VAV2: variants seen among roughly 807,000 people sequenced by gnomAD.
VAV2 encodes the protein guanine nucleotide exchange factor VAV2.
A neutral mutation model predicts 132.5 loss-of-function variants in VAV2; 67 were observed. That is an observed-to-expected ratio of 0.51 (90% CI 0.42 to 0.62). The LOEUF (loss-of-function observed/expected upper bound fraction) is 0.62, where lower values mean the gene tolerates loss of function less well. Among genes scored for constraint, VAV2 ranks in the 20% least tolerant of loss-of-function variants. The probability of loss-of-function intolerance (pLI) is 0.00; values close to 1 mark genes in which losing one functional copy is unlikely to be tolerated. For missense variants in VAV2, 938 were observed against 1,153.6 expected, an observed-to-expected ratio of 0.81 and a Z score of 2.71; for synonymous variants, 492 against 443.5, an observed-to-expected ratio of 1.11 and a Z score of -1.37.
rs1836733376 is a variant in VAV2, at chr9:133,841,772, G to T, written c.381-7432C>A. On this transcript the variant is annotated intron_variant, in intron 3 of 29. Coordinates refer to ENST00000371850, the MANE Select transcript of VAV2 (RefSeq NM_001134398.2). The stretch of plus-strand genomic sequence containing the variant: ...TCTCTGAGCCTCAGTTTCCCCAACT[G>T]CAGAATGGGGGCCGGTAGTAGCAAT... Among the ~76,000 whole-genome samples, 2 of 152,218 alleles carry T rather than the reference G, an allele frequency of 1.3e-5. 1 individual carries two copies. Among genetic ancestry groups the T allele is most frequent in the South Asian group, 4.1e-4 (2 of 4,834 alleles).
rs2131611263 is a variant in VAV2, at chr9:133,788,230, C to T, written c.1407+124G>A. 2.5e-6 allele frequency: 2 copies of T among 809,532 alleles called. No homozygotes were observed. The highest frequency in any genetic ancestry group is 2.2e-5 in the Admixed American group (1 of 45,436). The allele number at this position is 809,532 out of a possible 1,614,324, so 50.1% of individuals were successfully genotyped here. A position where few individuals can be genotyped will look rare whatever the true frequency, so the allele number is the denominator to read the frequency against. ...TCCTGCAGAGCGGAGACGCCCACCC[C>T]AACCCACCCGGCCAGCATCAGCGGC... On this transcript the variant is annotated intron_variant, in intron 15 of 29. Coordinates refer to ENST00000371850, the MANE Select transcript of VAV2 (RefSeq NM_001134398.2). The surrounding 1 kb of genome is among the most constrained non-coding windows in gnomAD (Gnocchi z 5.3).
At chr9:133,899,057 G>A (rs190917068) in intron 2 of VAV2, among the ~76,000 whole-genome samples, 7 of 151,828 alleles carry the variant, frequency 4.6e-5, no homozygotes, top group Middle Eastern at 3.4e-3. Context: ...TCCTGACCTC[G>A]TGATCCGCCC....
intron 1 of VAV2, among the ~76,000 whole-genome samples, chr9:133,974,496 C>T (rs1842442998): frequency 6.6e-6 from 1 of 152,174 alleles, no homozygotes; most frequent in African/African-American, 2.4e-5. Flanking sequence ...GGGCCAAACA[C>T]ACACCTGCAC....
intron 2 of VAV2, among the ~76,000 whole-genome samples, chr9:133,910,823 C>CAAAAAAA (rs60841450): frequency 7.0e-5 from 7 of 100,188 alleles, no homozygotes; most frequent in South Asian, 4.1e-4. Flanking sequence ...GACTCGGTCT[C>CAAAAAAA]AAAAAAAAAA....
At chr9:133,848,304 A>AAAAAAAAAAAAAAAC (rs1837028166) in intron 3 of VAV2, among the ~76,000 whole-genome samples, 1 of 147,660 alleles carries the variant, frequency 6.8e-6, no homozygotes, top group East Asian at 1.9e-4. Flanking sequence ...AAAAAAAAAA[A>AAAAAAAAAAAAAAAC]TCCAAAGCAA....
At chr9:133,941,363 G>A (rs989402461) in intron 1 of VAV2, among the ~76,000 whole-genome samples, 4 of 151,158 alleles carry the variant, frequency 2.6e-5, no homozygotes, top group South Asian at 2.1e-4. Context: ...AGCCGAGATC[G>A]CACCACTGCA....
At chr9:133,887,091 A>G (rs1162976552) in intron 2 of VAV2, among the ~76,000 whole-genome samples, 1 of 151,776 alleles carries the variant, frequency 6.6e-6, no homozygotes, top group Non-Finnish European at 1.5e-5. Context: ...AACTCAGAGG[A>G]GGGCCCAGAC....
rs1339133819 is a variant in VAV2, at chr9:133,857,757, C to T, written c.380+3617G>A. On this transcript the variant is annotated intron_variant, in intron 3 of 29. Coordinates refer to ENST00000371850, the MANE Select transcript of VAV2 (RefSeq NM_001134398.2). The surrounding 1 kb of genome is among the most constrained non-coding windows in gnomAD (Gnocchi z 4.0). The stretch of plus-strand genomic sequence containing the variant: ...GGGGCTGCCTGGGAGGGTTGCCTGT[C>T]ACCTGTCTCCTGAGCTCCCGGGTGA... 6.6e-6 allele frequency among the ~76,000 whole-genome samples: 1 copy of T among 152,212 alleles called. No individual in the cohort carries two copies. The highest frequency in any genetic ancestry group is 1.5e-5 in the Non-Finnish European group (1 of 68,054).
chr9:133,774,618 C>A (rs1468384243), intron 25 of VAV2, among the ~76,000 whole-genome samples: 1 of 152,218 alleles, frequency 6.6e-6, no homozygotes, highest in African/African-American at 2.4e-5. Flanking sequence ...TGAGCTCACA[C>A]AGGATCTCAC....
chr9:133,777,734 G>A (rs922137568), intron 22 of VAV2, among the ~76,000 whole-genome samples: 6 of 152,242 alleles, frequency 3.9e-5, no homozygotes, highest in African/African-American at 1.2e-4. Context: ...GGTCATACCC[G>A]GGGAGGGACA....
At chr9:133,848,306 C>T (rs1442314404) in intron 3 of VAV2, among the ~76,000 whole-genome samples, 2 of 135,948 alleles carry the variant, frequency 1.5e-5, no homozygotes, top group Non-Finnish European at 3.3e-5. Context: ...AAAAAAAAAT[C>T]CAAAGCAATG....
Position 133,907,629 on chromosome 9 carries a change from G to A in VAV2, c.321+31474C>T, listed in dbSNP as rs75332534. ...CTCGCTGGAATCAAAACTGATTTAT[G>A]GACTCTGGAGGGGACGCTGACATTT... On this transcript the variant is annotated intron_variant, in intron 2 of 29. Coordinates refer to ENST00000371850, the MANE Select transcript of VAV2 (RefSeq NM_001134398.2). 7.9e-3 allele frequency among the ~76,000 whole-genome samples: 1,199 copies of A among 152,358 alleles called. 20 individuals carry two copies. The highest frequency in any genetic ancestry group is 0.027 in the African/African-American group (1,124 of 41,582).
chr9:133,909,563 A>G (rs1384412149), intron 2 of VAV2, among the ~76,000 whole-genome samples: 1 of 152,174 alleles, frequency 6.6e-6, no homozygotes. Flanking sequence ...CAGGTTCGCG[A>G]GGATGGAAGG....
chr9:133,768,512 C>T lies in VAV2; in HGVS notation c.2519G>A (p.Gly840Asp), dbSNP rs1318958505. Residue 840 changes from glycine to aspartate, a missense_variant, in exon 29 of 30, where the codon GGT becomes GAT. Physicochemically the swap from Gly to Asp is moderately conservative, Grantham distance 94. Transcript: ENST00000371850. This position sits in a 1 kb window ranked among gnomAD's most constrained non-coding sequence, Gnocchi z 5.3. ...RDMRELSLRE[G>D]DVVRIYSRIG... ...GCGGCTGTAGATCCTCACCACGTCA[C>T]CCTCCCGCAGCGAAAGCTCCCTCAT... is the stretch of plus-strand genomic sequence containing the variant. The T allele has an allele frequency of 1.2e-6, 2 of 1,613,908 alleles. No homozygotes were observed. The highest frequency in any genetic ancestry group is 1.7e-5 in the Admixed American group (1 of 59,994).
In VAV2 at chr9:133,938,969, A is replaced by T. The variant is rs1841028965; in HGVS notation, c.321+134T>A. 2.1e-5 allele frequency: 17 copies of T among 813,504 alleles called. 1 individual carries two copies. The South Asian group carries it at 2.5e-4, about 12-fold the overall frequency. The allele number at this position is 813,504 out of a possible 1,614,324, so 50.4% of individuals were successfully genotyped here. A position where few individuals can be genotyped will look rare whatever the true frequency, so the allele number is the denominator to read the frequency against. ...CAGGACCTGCCTGCACCTCCCGGAC[A>T]TGAGGGTGCAGAAATCCACTGGCTC... On this transcript the variant is annotated intron_variant, in intron 2 of 29. Coordinates refer to ENST00000371850, the MANE Select transcript of VAV2 (RefSeq NM_001134398.2).
intron 2 of VAV2, among the ~76,000 whole-genome samples, chr9:133,887,982 C>G (rs969223288): frequency 2.6e-5 from 4 of 152,252 alleles, no homozygotes; most frequent in Admixed American, 1.3e-4. Context: ...CACCAGGAAC[C>G]CCCAGTTCCC....
In VAV2 at chr9:133,802,799, C is replaced by T. The variant is rs182848276; in HGVS notation, c.836+3282G>A. Among the ~76,000 whole-genome samples, 1 of 152,346 alleles carries T rather than the reference C, an allele frequency of 6.6e-6. No homozygotes were observed. Among genetic ancestry groups the T allele is most frequent in the East Asian group, 1.9e-4 (1 of 5,186 alleles). ...CCCAACCTCTCAAGATGCCCAGGGACAGGCCAGCGTGGATTGAGGACCACA... is the reference window on the plus strand; with the variant it reads ...CCCAACCTCTCAAGATGCCCAGGGATAGGCCAGCGTGGATTGAGGACCACA... On this transcript the variant is annotated intron_variant, in intron 9 of 29. Coordinates refer to ENST00000371850, the MANE Select transcript of VAV2 (RefSeq NM_001134398.2). This position sits in a 1 kb window ranked among gnomAD's most constrained non-coding sequence, Gnocchi z 5.8.
chr9:133,941,277 G>A (rs551659384), intron 1 of VAV2, among the ~76,000 whole-genome samples: 5 of 152,024 alleles, frequency 3.3e-5, no homozygotes, highest in East Asian at 1.9e-4. Context: ...GCGTGGTGGC[G>A]CACACCTGTA....
In VAV2 at chr9:133,824,680, G is replaced by A. The variant is rs2486337; in HGVS notation, c.449+9592C>T. ...AGTGAGAAGTGCAGGGGCCCACAAC[G>A]GGGTCCCAGGTCCCAGGTCTGTGGG... On this transcript the variant is annotated intron_variant, in intron 4 of 29. Coordinates refer to ENST00000371850, the MANE Select transcript of VAV2 (RefSeq NM_001134398.2). The surrounding 1 kb of genome is among the most constrained non-coding windows in gnomAD (Gnocchi z 5.2). Among the ~76,000 whole-genome samples, 24,475 of 152,002 alleles carry A rather than the reference G, an allele frequency of 0.16. 2,279 individuals are homozygous for A. The highest frequency in any genetic ancestry group is 0.25 in the African/African-American group (10,541 of 41,432).
Sources: gnomAD v4.1 joint callset for allele counts (sites outside exome capture counted in the v4.1 genomes callset) on GRCh38, gnomAD v4.1.1 for gene constraint, Gnocchi (gnomAD v3.1) non-coding constraint, MANE v1.5 for transcripts, NCBI Gene and HGNC (gene_info 2026-07-23, HGNC 2026-07-21) for gene names.